The following WASF3 variants were observed in gnomAD, a reference collection of about 807,000 sequenced individuals.
WASF3 encodes the protein WASP family member 3, also known as actin-binding protein WASF3.
WASF3 carries 11 observed loss-of-function variants against 46.6 expected under a neutral mutation model. That is an observed-to-expected ratio of 0.24 (90% CI 0.15 to 0.39). The LOEUF (loss-of-function observed/expected upper bound fraction) is 0.39. Among genes scored for constraint, WASF3 ranks in the 10% least tolerant of loss-of-function variants. The pLI, the probability that WASF3 is intolerant of heterozygous loss-of-function variation, is 1.00. For synonymous variants in WASF3, 242 were observed against 259.7 expected, an observed-to-expected ratio of 0.93 and a Z score of 0.65; for missense variants, 576 against 669.8, an observed-to-expected ratio of 0.86 and a Z score of 1.55.
chr13:26,572,412 A>G (rs1048237720), intron 1 of WASF3, among the ~76,000 whole-genome samples: 4 of 152,110 alleles, frequency 2.6e-5, no homozygotes, highest in East Asian at 1.9e-4. Context: ...GTCTACTCCT[A>G]TTTATTCTAT....
rs763206828 is a variant in WASF3, at chr13:26,665,091, C to T, written c.197C>T (p.Ala66Val). The T allele has an allele frequency of 6.2e-7, 1 of 1,614,142 alleles. No individual in the cohort carries two copies. Among genetic ancestry groups the T allele is most frequent in the Non-Finnish European group, 8.5e-7 (1 of 1,179,990 alleles). Residue 66 changes from alanine (A) to valine (V), a missense_variant, in exon 4 of 10, where the codon GCA becomes GTA. This residue lies in a region of WASF3 where 213 missense variants were observed against 278.0 expected (regional missense o/e 0.77). Transcript: ENST00000335327. The part of the protein sequence containing the change: ...FNEANNFYIR[A>V]NSLQDRIDRL... ...GAGGCTAACAACTTCTACATCAGAG[C>T]AAATTCTCTTCAAGACAGAATTGAT...
intron 3 of WASF3, among the ~76,000 whole-genome samples, chr13:26,658,868 A>G (rs957309799): frequency 5.3e-5 from 8 of 152,222 alleles, no homozygotes; most frequent in Non-Finnish European, 4.4e-5. Context: ...TGAGTTAGCC[A>G]GGACTCAGTT....
chr13:26,649,514 T>G (rs183946794), intron 3 of WASF3, among the ~76,000 whole-genome samples: 1 of 152,268 alleles, frequency 6.6e-6, no homozygotes. Context: ...TTTTGAAAGA[T>G]CCATCAAAGA....
chr13:26,548,596 C>T, the WASF3 span, among the ~76,000 whole-genome samples: 4 of 152,192 alleles, frequency 2.6e-5, no homozygotes, highest in African/African-American at 7.2e-5. Flanking sequence ...AACCCAAGGC[C>T]GTAACACACT....
At position 26,676,601 on chromosome 13, in the gene WASF3, C is replaced by A; in HGVS notation, c.593C>A (p.Ala198Asp). The stretch of plus-strand genomic sequence containing the variant: ...CGTGAGGTGAAAAAGGTTAGAAAAG[C>A]CAGAAACAGGCGCCAGGAGTGGAAT... ...TTREVKKVRK[A>D]RNRRQEWNMM... The change falls in exon 7 of 10, where the codon GCC becomes GAC. Residue 198 changes from alanine (A) to aspartate (D), a missense_variant. Coordinates refer to ENST00000335327, the MANE Select transcript of WASF3 (RefSeq NM_006646.6). 6.2e-7 allele frequency: 1 copy of A among 1,614,104 alleles called. No homozygotes were observed. The highest frequency in any genetic ancestry group is 8.5e-7 in the Non-Finnish European group (1 of 1,180,026).
intron 1 of WASF3, among the ~76,000 whole-genome samples, chr13:26,570,534 G>A (rs190109593): frequency 6.6e-6 from 1 of 151,556 alleles, no homozygotes; most frequent in Non-Finnish European, 1.5e-5. Flanking sequence ...ACAGAAGGTG[G>A]CATACTGTTT....
At chr13:26,596,685 C>T (rs984581419) in intron 1 of WASF3, among the ~76,000 whole-genome samples, 3 of 152,134 alleles carry the variant, frequency 2.0e-5, no homozygotes, top group Non-Finnish European at 2.9e-5. Context: ...TCCTTCATTA[C>T]ATTTGGAAAA....
intron 2 of WASF3, among the ~76,000 whole-genome samples, chr13:26,631,029 G>GA (rs1218789196): frequency 4.0e-5 from 6 of 151,880 alleles, no homozygotes; most frequent in Non-Finnish European, 7.4e-5. Flanking sequence ...AAATTTGTTT[G>GA]GTTCATTGTA....
chr13:26,638,365 C>T (rs1017642949), intron 2 of WASF3: 1 of 152,174 alleles, frequency 6.6e-6, no homozygotes, highest in Non-Finnish European at 1.5e-5. Flanking sequence ...TTTTATCTCT[C>T]TAAACTGAGA....
intron 1 of WASF3, among the ~76,000 whole-genome samples, chr13:26,576,250 A>G (rs2133814): frequency 0.2 from 29,872 of 151,924 alleles, 3,447 homozygotes; most frequent in East Asian, 0.26. Flanking sequence ...TCCCTTGGAC[A>G]TCTTAATTCC....
chr13:26,585,411 A>C (rs1052075831), intron 1 of WASF3, among the ~76,000 whole-genome samples: 1 of 152,198 alleles, frequency 6.6e-6, no homozygotes, highest in Non-Finnish European at 1.5e-5. Context: ...TCATATGGTT[A>C]GCTGTGCTTT....
chr13:26,601,173 CTG>C (rs765988298), intron 1 of WASF3, among the ~76,000 whole-genome samples: 97 of 152,238 alleles, frequency 6.4e-4, no homozygotes, highest in South Asian at 6.2e-4. Context: ...TACTTAATCT[CTG>C]TGTATTTGGT....
At chr13:26,615,948 T>A (rs1045237619) in intron 2 of WASF3, among the ~76,000 whole-genome samples, 14 of 152,252 alleles carry the variant, frequency 9.2e-5, no homozygotes, top group African/African-American at 3.4e-4. Context: ...TATCAGTAGT[T>A]CATTCCATGT....
At chr13:26,551,963 C>T in the WASF3 span, among the ~76,000 whole-genome samples, 2 of 152,076 alleles carry the variant, frequency 1.3e-5, no homozygotes, top group African/African-American at 4.8e-5. Flanking sequence ...ATTGTCACAG[C>T]ACAAAAAGGG....
intron 6 of WASF3, among the ~76,000 whole-genome samples, chr13:26,673,189 T>C (rs1450051452): frequency 6.6e-6 from 1 of 152,180 alleles, no homozygotes; most frequent in Non-Finnish European, 1.5e-5. Flanking sequence ...TAAAAGGCCT[T>C]CTAGGTTTCC....
chr13:26,599,645 C>T (rs562918837), intron 1 of WASF3, among the ~76,000 whole-genome samples: 1 of 152,326 alleles, frequency 6.6e-6, no homozygotes, highest in South Asian at 2.1e-4. Flanking sequence ...AACAGTTCAG[C>T]TGGTATCTTC....
chr13:26,571,934 G>C (rs1192591549), intron 1 of WASF3, among the ~76,000 whole-genome samples: 1 of 152,118 alleles, frequency 6.6e-6, no homozygotes, highest in Admixed American at 6.5e-5. Flanking sequence ...ATTTCTTATT[G>C]TTTATTCCTG....
chr13:26,559,882 A>G (rs1158838017), intron 1 of WASF3, among the ~76,000 whole-genome samples: 1 of 118,034 alleles, frequency 8.5e-6, no homozygotes, highest in African/African-American at 3.3e-5. Flanking sequence ...CAGTGGTGTG[A>G]TCTCGGCTCA....
At chr13:26,587,102 C>CAAAA (rs57542558) in intron 1 of WASF3, among the ~76,000 whole-genome samples, 12 of 64,192 alleles carry the variant, frequency 1.9e-4, no homozygotes, top group Admixed American at 2.1e-4. Flanking sequence ...GACCCTGCCT[C>CAAAA]AAAAAAAAAA....
Sources: gnomAD v4.1 joint callset for allele counts (sites outside exome capture counted in the v4.1 genomes callset) on GRCh38, gnomAD v4.1.1 for gene constraint, gnomAD v4.1.1 regional missense constraint, MANE v1.5 for transcripts, NCBI Gene and HGNC (gene_info 2026-07-23, HGNC 2026-07-21) for gene names.